Variants in TEKT1 observed in about 807,000 individuals in gnomAD.
TEKT1 encodes tektin-1.
In TEKT1, 32 loss-of-function variants were observed where a neutral mutation model predicts 34.8. The observed-to-expected ratio is 0.92, with a 90% CI of 0.69 to 1.23. TEKT1 has a LOEUF of 1.23. Among genes scored for constraint, TEKT1 ranks in the 50% most tolerant of loss-of-function variants. The probability of loss-of-function intolerance (pLI) is 0.00; values close to 1 mark genes in which losing one functional copy is unlikely to be tolerated. For synonymous variants in TEKT1, 207 were observed against 199.8 expected, an observed-to-expected ratio of 1.04 and a Z score of -0.30; for missense variants, 492 against 518.5, an observed-to-expected ratio of 0.95 and a Z score of 0.50.
Position 6,798,536 on chromosome 17 carries a change from G to A in TEKT1, c.*1491C>T, listed in dbSNP as rs547042326. The A allele has an allele frequency of 6.6e-6, 1 of 152,420 alleles. No individual in the cohort carries two copies. The highest frequency in any genetic ancestry group is 1.9e-4 in the East Asian group (1 of 5,184). The allele number at this position is 152,420 out of a possible 1,614,324, so 9.4% of individuals were successfully genotyped here. A position where few individuals can be genotyped will look rare whatever the true frequency, so the allele number is the denominator to read the frequency against. ...CAGAGAGGGGCCTCCCTCCTTGATT[G>A]AGGCATGGGAAGGGCTGTGTATTTG... On this transcript the variant is annotated 3_prime_UTR_variant, in exon 8 of 8. Coordinates refer to ENST00000338694, the MANE Select transcript of TEKT1 (RefSeq NM_053285.2).
rs113848910 is a variant in TEKT1 at position 6,830,466 on chromosome 17, A to T, written c.-17-73T>A. The T allele has an allele frequency of 9.6e-6, 10 of 1,036,696 alleles. No individual in the cohort carries two copies. In the African/African-American group the frequency reaches 1.2e-4, roughly 12 times the overall value. The allele number at this position is 1,036,696 out of a possible 1,614,324, so 64.2% of individuals were successfully genotyped here. ...TTTTTATGATAATTTTTATTCAAGG[A>T]TGACATATATACGGAAAATTGCATA... On this transcript the variant is annotated intron_variant, in intron 1 of 7. Transcript: ENST00000338694.
intron 6 of TEKT1, among the ~76,000 whole-genome samples, chr17:6,802,321 C>T (rs538690201): frequency 2.4e-4 from 37 of 152,184 alleles, no homozygotes; most frequent in African/African-American, 7.5e-4. Flanking sequence ...AAGCTGCTTT[C>T]GACTAATAAT....
intron 5 of TEKT1, among the ~76,000 whole-genome samples, 168 bp from the exon 6 acceptor site, chr17:6,813,221 A>C (rs1362936840): frequency 6.6e-6 from 1 of 152,136 alleles, no homozygotes; most frequent in Non-Finnish European, 1.5e-5. Context: ...CACTTTGGGC[A>C]ACCTCCCTAC....
chr17:6,800,021 C>T lies in TEKT1; in HGVS notation c.*6G>A. 1.2e-6 allele frequency: 2 copies of T among 1,602,508 alleles called. No individual in the cohort carries two copies. Among genetic ancestry groups the T allele is most frequent in the Non-Finnish European group, 1.7e-6 (2 of 1,179,108 alleles). Reference sequence around the variant, plus strand: ...GGTTTAATGAGAATTGGAACTAGCCCTACTATTAGCAGACAGCATCAGGGC... The same window carrying T: ...GGTTTAATGAGAATTGGAACTAGCCTTACTATTAGCAGACAGCATCAGGGC... On this transcript the variant is annotated 3_prime_UTR_variant, in exon 8 of 8. Coordinates refer to ENST00000338694, the MANE Select transcript of TEKT1 (RefSeq NM_053285.2).
Position 6,799,996 on chromosome 17 carries a change from G to A in TEKT1, c.*31C>T, listed in dbSNP as rs1430010068. 3 of 1,584,384 alleles carry A rather than the reference G, an allele frequency of 1.9e-6. No homozygotes were observed. The highest frequency in any genetic ancestry group is 1.3e-5 in the African/African-American group (1 of 74,546). On this transcript the variant is annotated 3_prime_UTR_variant, in exon 8 of 8. Transcript: ENST00000338694. ...CTACTGTAACTACTGTTTACAATGT[G>A]GTTTAATGAGAATTGGAACTAGCCC...
At chr17:6,831,001 G>A (rs4796358) in intron 1 of TEKT1, among the ~76,000 whole-genome samples, 1 of 144,448 alleles carries the variant, frequency 6.9e-6, no homozygotes, top group South Asian at 2.2e-4. Flanking sequence ...CTTAAAAAAA[G>A]AAGAAGAAAA....
At position 6,811,519 on chromosome 17, in the gene TEKT1, G is replaced by T. The variant is rs113450233; in HGVS notation, c.852+1312C>A. On this transcript the variant is annotated intron_variant, in intron 6 of 7. Coordinates refer to ENST00000338694, the MANE Select transcript of TEKT1 (RefSeq NM_053285.2). The surrounding 1 kb of genome is among the most constrained non-coding windows in gnomAD (Gnocchi z 4.4). Reference sequence around the variant, plus strand: ...CCACAGTTCAAACCCAAGATGTCTGGCTCTGACGTCTACCCATTTCCACTA... The same window carrying T: ...CCACAGTTCAAACCCAAGATGTCTGTCTCTGACGTCTACCCATTTCCACTA... 2.4e-3 allele frequency among the ~76,000 whole-genome samples: 370 copies of T among 152,138 alleles called. 2 individuals are homozygous for T. Among genetic ancestry groups the T allele is most frequent in the African/African-American group, 8.3e-3 (346 of 41,512 alleles).
At chr17:6,825,286 G>A (rs1904362213) in intron 2 of TEKT1, among the ~76,000 whole-genome samples, 1 of 152,156 alleles carries the variant, frequency 6.6e-6, no homozygotes, top group Non-Finnish European at 1.5e-5. Context: ...GTCATTGGAT[G>A]TGACCAATTG....
At chr17:6,801,670 T>G (rs1297202127) in intron 6 of TEKT1, among the ~76,000 whole-genome samples, 1 of 151,930 alleles carries the variant, frequency 6.6e-6, no homozygotes, top group Non-Finnish European at 1.5e-5. Flanking sequence ...ATCGTGCCAC[T>G]GCACTCCAGC....
In TEKT1 at chr17:6,800,954, G is replaced by A. The variant is rs2136282; in HGVS notation, c.853-11C>T. 0.21 allele frequency: 338,575 copies of A among 1,607,506 alleles called. 37,770 individuals are homozygous for A. Among genetic ancestry groups the A allele is most frequent in the East Asian group, 0.43 (19,136 of 44,738 alleles). On this transcript the variant is annotated splice_polypyrimidine_tract_variant and intron_variant, in intron 6 of 7. Transcript: ENST00000338694. Reference sequence around the variant, plus strand: ...AATCTCTTCCATGACCTTACAAAAAGGATTAGAGTAGGTGAGGCCAAGCTG... The same window carrying A: ...AATCTCTTCCATGACCTTACAAAAAAGATTAGAGTAGGTGAGGCCAAGCTG...
chr17:6,802,472 G>A (rs1050260406), intron 6 of TEKT1, among the ~76,000 whole-genome samples: 1 of 150,996 alleles, frequency 6.6e-6, no homozygotes, highest in South Asian at 2.1e-4. Flanking sequence ...TTTTTAAGGT[G>A]AATTTTATTT....
At chr17:6,802,066 CCTTTATCACACCAAAAAAGAGACAAAAGA>C (rs1362702441) in intron 6 of TEKT1, among the ~76,000 whole-genome samples, 2 of 152,086 alleles carry the variant, frequency 1.3e-5, no homozygotes, top group Non-Finnish European at 2.9e-5. Flanking sequence ...AACCACAATA[CCTTTATCACACCAAAAAAGAGACAAAAGA>C]CTTATTCTTT....
chr17:6,828,630 C>T (rs919485487), intron 2 of TEKT1, among the ~76,000 whole-genome samples: 1 of 152,072 alleles, frequency 6.6e-6, no homozygotes, highest in African/African-American at 2.4e-5. Context: ...TCTCCAGGTC[C>T]CCACAGTCCC....
At position 6,799,094 on chromosome 17, in the gene TEKT1, C is replaced by G. The variant is rs1341249416; in HGVS notation, c.*933G>C. On this transcript the variant is annotated 3_prime_UTR_variant, in exon 8 of 8. Coordinates refer to ENST00000338694, the MANE Select transcript of TEKT1 (RefSeq NM_053285.2). ...ATGAGCAGTTTCCCACAGCAAATGT[C>G]TTCCTTTGACAGTCACCCACATAGA... 6.6e-6 allele frequency: 1 copy of G among 152,186 alleles called. No homozygotes were observed. The highest frequency in any genetic ancestry group is 6.5e-5 in the Admixed American group (1 of 15,278). 9.4% of individuals were successfully genotyped at this position (152,186 alleles called of 1,614,324 possible).
chr17:6,803,092 C>T (rs896991167), intron 6 of TEKT1, among the ~76,000 whole-genome samples: 8 of 152,008 alleles, frequency 5.3e-5, no homozygotes, highest in Non-Finnish European at 1.0e-4. Context: ...AAAAGTGTTC[C>T]TATTTCTCCA....
intron 6 of TEKT1, among the ~76,000 whole-genome samples, chr17:6,810,984 C>T (rs548665656): frequency 2.0e-5 from 3 of 152,306 alleles, no homozygotes; most frequent in East Asian, 3.9e-4. Context: ...TCAGGTGATC[C>T]ACCCACCTTG....
intron 6 of TEKT1, among the ~76,000 whole-genome samples, chr17:6,802,921 G>T (rs181658138): frequency 7.2e-5 from 11 of 152,208 alleles, no homozygotes; most frequent in African/African-American, 2.6e-4. Context: ...ATAAACATAC[G>T]TGTGCATGTG....
chr17:6,809,302 G>A (rs1976893707), intron 6 of TEKT1, among the ~76,000 whole-genome samples: 1 of 152,286 alleles, frequency 6.6e-6, no homozygotes, highest in South Asian at 2.1e-4. Context: ...CATGATCTCA[G>A]CTCACTGCAA....
intron 1 of TEKT1, among the ~76,000 whole-genome samples, chr17:6,831,000 A>G (rs1482166390): frequency 1.4e-5 from 2 of 144,688 alleles, no homozygotes; most frequent in East Asian, 2.0e-4. Context: ...TCTTAAAAAA[A>G]GAAGAAGAAA....
Sources: allele counts gnomAD v4.1 joint callset (sites outside exome capture counted in the v4.1 genomes callset), GRCh38; gene constraint gnomAD v4.1.1; non-coding constraint Gnocchi (gnomAD v3.1); transcripts MANE v1.5; gene names NCBI Gene and HGNC (gene_info 2026-07-23, HGNC 2026-07-21).